Variants in FRMD6 observed in about 807,000 individuals in gnomAD.
The protein encoded by FRMD6 is FERM domain containing 6.
A neutral mutation model predicts 73.2 loss-of-function variants in FRMD6; 37 were observed. The observed-to-expected ratio is 0.51, with a 90% CI of 0.39 to 0.66. FRMD6 has a LOEUF of 0.66. Among genes scored for constraint, FRMD6 ranks in the 30% least tolerant of loss-of-function variants. The pLI is 0.00. For synonymous variants in FRMD6, 273 were observed against 282.2 expected (o/e 0.97, Z 0.33); for missense variants, 714 against 780.5 (o/e 0.91, Z 1.02).
chr14:51,503,389 G>T (rs1239938116), intron 1 of FRMD6, among the ~76,000 whole-genome samples: 1 of 152,100 alleles, frequency 6.6e-6, no homozygotes, highest in African/African-American at 2.4e-5. Context: ...CTAGTTTATT[G>T]AGAGTTTTTA....
intron 1 of FRMD6, among the ~76,000 whole-genome samples, chr14:51,524,401 A>G (rs1885117406): frequency 6.6e-6 from 1 of 152,134 alleles, no homozygotes; most frequent in Non-Finnish European, 1.5e-5. Flanking sequence ...TCTAGAAGGA[A>G]TTATGCATGA....
chr14:51,482,312 G>C, the FRMD6 span, among the ~76,000 whole-genome samples: 1 of 152,170 alleles, frequency 6.6e-6, no homozygotes, highest in Non-Finnish European at 1.5e-5. Flanking sequence ...GCCAGCCCTC[G>C]CACGTGGTGT....
intron 2 of FRMD6, among the ~76,000 whole-genome samples, chr14:51,635,019 C>T (rs997623599): frequency 6.6e-6 from 1 of 152,000 alleles, no homozygotes; most frequent in African/African-American, 2.4e-5. Flanking sequence ...AGGCTGGTCC[C>T]GAACTCCTGG....
chr14:51,703,053 T>G (rs1896422107), intron 5 of FRMD6, among the ~76,000 whole-genome samples: 3 of 152,012 alleles, frequency 2.0e-5, no homozygotes, highest in Admixed American at 2.0e-4. Flanking sequence ...CGGTTTTCTT[T>G]TCATGTTTGG....
intron 6 of FRMD6, among the ~76,000 whole-genome samples, chr14:51,706,328 A>T (rs1420870123): frequency 6.6e-6 from 1 of 152,058 alleles, no homozygotes; most frequent in Non-Finnish European, 1.5e-5. Context: ...TGTTGCAGAA[A>T]CTTGTCCCTG....
At chr14:51,454,578 C>T in the FRMD6 span, 1 of 152,228 alleles carries the variant, frequency 6.6e-6, no homozygotes. Flanking sequence ...CCTGAGGCTG[C>T]TTCCTGGTTT....
At chr14:51,652,695 A>G (rs1286901765) in intron 1 of FRMD6, among the ~76,000 whole-genome samples, 1 of 152,164 alleles carries the variant, frequency 6.6e-6, no homozygotes, top group Non-Finnish European at 1.5e-5. Context: ...TGCGGCCTGC[A>G]GAATTTGGGT....
the FRMD6 span, among the ~76,000 whole-genome samples, chr14:51,398,332 C>T: frequency 6.6e-6 from 1 of 152,064 alleles, no homozygotes; most frequent in Non-Finnish European, 1.5e-5. Context: ...AGGCTGTATT[C>T]ATTTCGGTGC....
chr14:51,642,485 G>A (rs945271814), intron 2 of FRMD6, among the ~76,000 whole-genome samples: 2 of 152,150 alleles, frequency 1.3e-5, no homozygotes, highest in Admixed American at 6.5e-5. Flanking sequence ...GCAGTGAGCC[G>A]AGATCACGCC....
At chr14:51,638,113 G>A (rs1891653750) in intron 2 of FRMD6, among the ~76,000 whole-genome samples, 1 of 152,112 alleles carries the variant, frequency 6.6e-6, no homozygotes, top group African/African-American at 2.4e-5. Flanking sequence ...GTGAACCCTT[G>A]TGTCTACAAA....
chr14:51,620,602 A>G (rs1396096205), intron 2 of FRMD6, among the ~76,000 whole-genome samples: 1 of 152,140 alleles, frequency 6.6e-6, no homozygotes, highest in African/African-American at 2.4e-5. Context: ...GAAGCCAAAA[A>G]CCATCATCTC....
intron 2 of FRMD6, among the ~76,000 whole-genome samples, chr14:51,601,648 C>A (rs1433168505): frequency 1.3e-5 from 2 of 152,120 alleles, no homozygotes; most frequent in Admixed American, 6.5e-5. Flanking sequence ...ATCATTTATG[C>A]ACAAGTAAAA....
chr14:51,502,012 A>G (rs753721349), intron 1 of FRMD6, among the ~76,000 whole-genome samples: 16 of 152,094 alleles, frequency 1.1e-4, no homozygotes, highest in Non-Finnish European at 1.8e-4. Flanking sequence ...TGTTGGCCAC[A>G]TGTATGTCTT....
At chr14:51,708,452 T>G in intron 7 of FRMD6, 1 of 480,030 alleles carries the variant, frequency 2.1e-6, no homozygotes, top group South Asian at 2.6e-5. Context: ...TATTTTTTAA[T>G]GGTTCTAATA....
upstream of FRMD6, among the ~76,000 whole-genome samples, chr14:51,487,145 C>T (rs867571388): frequency 2.6e-5 from 4 of 152,232 alleles, no homozygotes; most frequent in Admixed American, 6.5e-5. Context: ...GCTGCTCTAG[C>T]GTGTACAGTG....
intron 2 of FRMD6, among the ~76,000 whole-genome samples, chr14:51,645,608 TTA>T (rs1566524393): frequency 6.6e-6 from 1 of 152,120 alleles, no homozygotes; most frequent in South Asian, 2.1e-4. Context: ...AGCTAATTTT[TTA>T]TTTTTTTATT....
intron 1 of FRMD6, among the ~76,000 whole-genome samples, chr14:51,687,755 T>A (rs968741316): frequency 1.4e-4 from 21 of 152,188 alleles, no homozygotes; most frequent in African/African-American, 4.8e-4. Flanking sequence ...GCACACAAAT[T>A]TGACCTGTTT....
intron 1 of FRMD6, among the ~76,000 whole-genome samples, chr14:51,502,465 C>T (rs1883680070): frequency 6.6e-6 from 1 of 152,094 alleles, no homozygotes; most frequent in Admixed American, 6.6e-5. Flanking sequence ...AGTCTTTTCC[C>T]CATTGTTTGT....
At chr14:51,539,139 T>A (rs1596558272) in intron 1 of FRMD6, among the ~76,000 whole-genome samples, 1 of 152,268 alleles carries the variant, frequency 6.6e-6, no homozygotes, top group South Asian at 2.1e-4. Context: ...TTTTTGACCT[T>A]TTTTCAATTT....
Sources: gnomAD v4.1 joint callset for allele counts (sites outside exome capture counted in the v4.1 genomes callset) on GRCh38, gnomAD v4.1.1 for gene constraint, MANE v1.5 for transcripts, NCBI Gene and HGNC (gene_info 2026-07-23, HGNC 2026-07-21) for gene names.